Variants in TLR1 observed in about 807,000 individuals in gnomAD.
TLR1 encodes toll-like receptor 1.
In TLR1, 19 loss-of-function variants were observed where a neutral mutation model predicts 20.2. The observed-to-expected ratio is 0.94, with a 90% CI of 0.66 to 1.38. The LOEUF is 1.38. Ranked by LOEUF, TLR1 falls within the 40% of genes most tolerant of loss-of-function variation. TLR1 has a pLI of 0.00. For missense variants in TLR1, 921 were observed against 910.0 expected, an observed-to-expected ratio of 1.01 and a Z score of -0.16; for synonymous variants, 320 against 334.5, an observed-to-expected ratio of 0.96 and a Z score of 0.47.
At chr4:38,800,410 C>CT (rs1227865320) in intron 3 of TLR1, 3 of 152,144 alleles carry the variant, frequency 2.0e-5, no homozygotes, top group East Asian at 1.9e-4. Context: ...ATTCAGAATA[C>CT]TTTTTTCATT....
rs1429674851 is a variant in TLR1 at position 38,797,615 on chromosome 4, C to T, written c.1217G>A (p.Ser406Asn). 1 of 1,613,722 alleles carries T rather than the reference C, an allele frequency of 6.2e-7. No homozygotes were observed. ...QMKSLQQLDISQNSVSYDEKK... is the reference protein window; with the variant it reads ...QMKSLQQLDINQNSVSYDEKK... ...TTCATCATAGCTTACAGAATTCTGG[C>T]TAATATCCAATTGTTGCAGAGACTT... The change falls in exon 4 of 4, where the codon AGC (serine) becomes AAC (asparagine). Residue 406 changes from serine to asparagine, a missense_variant. Physicochemically the swap from Ser to Asn is conservative, Grantham distance 46. Transcript: ENST00000308979.
chr4:38,802,408 C>T (rs1432176000), intron 2 of TLR1, among the ~76,000 whole-genome samples: 3 of 152,132 alleles, frequency 2.0e-5, no homozygotes, highest in South Asian at 2.1e-4. Context: ...ATGTGACCTT[C>T]CTCTAGGAAG....
chr4:38,796,252 C>A, downstream of TLR1: 1 of 530,474 alleles, frequency 1.9e-6, no homozygotes, highest in South Asian at 2.8e-5. Context: ...ACAAGTGGAT[C>A]CCTTATGTGT....
chr4:38,796,723 C>G lies in TLR1; in HGVS notation c.2109G>C (p.Gln703His), dbSNP rs938524085. 6.2e-7 allele frequency: 1 copy of G among 1,614,066 alleles called. No individual in the cohort carries two copies. Among genetic ancestry groups the G allele is most frequent in the Non-Finnish European group, 8.5e-7 (1 of 1,180,052 alleles). Residue 703 changes from glutamine to histidine, a missense_variant, in exon 4 of 4, where the codon CAG (glutamine) becomes CAC (histidine). Physicochemically the swap from Gln to His is conservative, Grantham distance 24. Transcript: ENST00000308979. Reference sequence around the variant, plus strand: ...AGAGTTCATAATGGCACCATTCACTCTGGACAAAGTTGGGAGACAAAACAA... The same window carrying G: ...AGAGTTCATAATGGCACCATTCACTGTGGACAAAGTTGGGAGACAAAACAA... ...SIFVLSPNFVQSEWCHYELYF... is the reference protein window; with the variant it reads ...SIFVLSPNFVHSEWCHYELYF...
chr4:38,790,382 T>A (rs894805745), downstream of TLR1, among the ~76,000 whole-genome samples: 11 of 152,374 alleles, frequency 7.2e-5, no homozygotes, highest in South Asian at 8.3e-4. Flanking sequence ...GATTTTTCTA[T>A]ACAATTTTGA....
chr4:38,792,759 TA>T (rs139559498), downstream of TLR1, among the ~76,000 whole-genome samples: 4,833 of 151,672 alleles, frequency 0.032, 290 homozygotes, highest in African/African-American at 0.11. Context: ...TTAACATACT[TA>T]TAAATAAATA....
intron 2 of TLR1, among the ~76,000 whole-genome samples, chr4:38,802,734 G>A (rs1726755817): frequency 1.3e-5 from 2 of 152,186 alleles, no homozygotes; most frequent in African/African-American, 4.8e-5. Context: ...CTGTGCTTTG[G>A]TCAAGGATAG....
rs1726258319 is a variant in TLR1 at position 38,797,923 on chromosome 4, A to G, written c.909T>C (p.Ser303=). The G allele has an allele frequency of 6.2e-7, 1 of 1,614,208 alleles. No individual in the cohort carries two copies. The part of the protein sequence containing the change: ...DYSGTSLKAL[S]IHQVVSDVFG... ...ACACATCGCTGACAACTTGGTGTAT[A>G]GACAAGGCCTTCAAGGAAGTGCCAG... Residue 303 remains serine, a synonymous_variant, in exon 4 of 4, where the codon TCT becomes TCC. Coordinates refer to ENST00000308979, the MANE Select transcript of TLR1 (RefSeq NM_003263.4).
At chr4:38,805,453 G>T (rs138322646), upstream of TLR1, 28 of 152,280 alleles carry the variant, frequency 1.8e-4, 1 homozygote, top group East Asian at 5.2e-3. Flanking sequence ...TTCACATAGG[G>T]TTTATAAAAA....
downstream of TLR1, among the ~76,000 whole-genome samples, chr4:38,792,760 A>G (rs1056508904): frequency 7.0e-5 from 10 of 142,550 alleles, no homozygotes; most frequent in African/African-American, 3.0e-4. Context: ...TAACATACTT[A>G]TAAATAAATA....
At position 38,796,804 on chromosome 4, in the gene TLR1, G is replaced by A. The variant is rs41311400; in HGVS notation, c.2028C>T (p.Gly676=). 7.3e-3 allele frequency: 11,757 copies of A among 1,614,188 alleles called. 63 individuals are homozygous for A. Among genetic ancestry groups the A allele is most frequent in the Middle Eastern group, 0.011 (67 of 6,062 alleles). The change falls in exon 4 of 4, where the codon GGC becomes GGT. Residue 676 remains glycine (G), a synonymous_variant. Coordinates refer to ENST00000308979, the MANE Select transcript of TLR1 (RefSeq NM_003263.4). Reference sequence around the variant, plus strand: ...TGATGATATTTTCCACAATGCTCTTGCCAGGAACAAAGTTTCTCTCATGAA... The same window carrying A: ...TGATGATATTTTCCACAATGCTCTTACCAGGAACAAAGTTTCTCTCATGAA... ...ICLHERNFVP[G]KSIVENIITC... is the part of the protein sequence containing the mutation.
rs1726322744 is a variant in TLR1, at chr4:38,798,349, A to G, written c.483T>C (p.His161=). ...CCAGCAAGACCTTGCTGATATTCAAATGAGCAATTGGCAGCACACTAGATT... is the reference window on the plus strand; with the variant it reads ...CCAGCAAGACCTTGCTGATATTCAAGTGAGCAATTGGCAGCACACTAGATT... The part of the protein sequence containing the change: ...LEKSSVLPIA[H]LNISKVLLVL... The change falls in exon 4 of 4, where the codon CAT becomes CAC. Residue 161 remains histidine (H), a synonymous_variant. Transcript: ENST00000308979. The G allele has an allele frequency of 6.2e-7, 1 of 1,613,870 alleles. No homozygotes were observed.
chr4:38,804,083 C>T (rs5743569), intron 2 of TLR1, among the ~76,000 whole-genome samples: 3,377 of 152,278 alleles, frequency 0.022, 132 homozygotes, highest in African/African-American at 0.077. Flanking sequence ...TGAGACAGTT[C>T]AAGAACTGTT....
In TLR1 at chr4:38,799,031, T is replaced by C. The variant is rs376490794; in HGVS notation, c.-67-133A>G. The C allele has an allele frequency of 1.0e-5, 5 of 492,250 alleles. No homozygotes were observed. In the East Asian group the frequency reaches 1.0e-4, roughly 10 times the overall value. The allele number at this position is 492,250 out of a possible 1,614,324, so 30.5% of individuals were successfully genotyped here. A position where few individuals can be genotyped will look rare whatever the true frequency, so the allele number is the denominator to read the frequency against. ...GGAGGCTACATTCTTTTGGGTTACATGGCCTAAAACTAGAGAAGTATATAT... is the reference window on the plus strand; with the variant it reads ...GGAGGCTACATTCTTTTGGGTTACACGGCCTAAAACTAGAGAAGTATATAT... On this transcript the variant is annotated intron_variant, in intron 3 of 3. Coordinates refer to ENST00000308979, the MANE Select transcript of TLR1 (RefSeq NM_003263.4).
At chr4:38,803,829 G>A (rs891879040) in intron 2 of TLR1, among the ~76,000 whole-genome samples, 1 of 152,162 alleles carries the variant, frequency 6.6e-6, no homozygotes, top group Admixed American at 6.5e-5. Flanking sequence ...ATGCCTCTAG[G>A]TGAGCTTCTG....
chr4:38,791,739 T>G (rs1725730505), downstream of TLR1, among the ~76,000 whole-genome samples: 1 of 152,252 alleles, frequency 6.6e-6, no homozygotes, highest in Non-Finnish European at 1.5e-5. Context: ...TAATAATAAC[T>G]CTAACATTTA....
Position 38,798,707 on chromosome 4 carries a change from T to C in TLR1, c.125A>G (p.Asp42Gly), listed in dbSNP as rs775520683. 1 of 1,613,932 alleles carries C rather than the reference T, an allele frequency of 6.2e-7. No individual in the cohort carries two copies. Among genetic ancestry groups the C allele is most frequent in the East Asian group, 2.2e-5 (1 of 44,866 alleles). The change falls in exon 4 of 4, where the codon GAC becomes GGC. Residue 42 changes from aspartate to glycine, a missense_variant. Asp to Gly is a moderately conservative substitution (Grantham distance 94). Coordinates refer to ENST00000308979, the MANE Select transcript of TLR1 (RefSeq NM_003263.4). ...TAAGATTGTTGTTTTCTGGGATAGG[T>C]CTTTAGGAACGTGGATGAGACCGTT... Reference protein sequence around the residue: ...SKNGLIHVPKDLSQKTTILNI... With the variant: ...SKNGLIHVPKGLSQKTTILNI...
downstream of TLR1, among the ~76,000 whole-genome samples, chr4:38,793,425 AG>A (rs1375107869): frequency 6.6e-6 from 1 of 152,194 alleles, no homozygotes; most frequent in African/African-American, 2.4e-5. Context: ...GACTTGATTA[AG>A]GGCTTGCATA....
At position 38,796,919 on chromosome 4, in the gene TLR1, T is replaced by G; in HGVS notation, c.1913A>C (p.His638Pro). The change falls in exon 4 of 4, where the codon CAT (histidine) becomes CCT (proline). Residue 638 changes from histidine to proline, a missense_variant. By Grantham distance (77) the His-to-Pro change is moderately conservative (BLOSUM62 -2). Coordinates refer to ENST00000308979, the MANE Select transcript of TLR1 (RefSeq NM_003263.4). ...LEELQRNLQF[H>P]AFISYSGHDS... Reference sequence around the variant, plus strand: ...GTGCCCACTATATGAAATAAATGCATGAAACTGGAGATTTCTTTGGAGTTC... The same window carrying G: ...GTGCCCACTATATGAAATAAATGCAGGAAACTGGAGATTTCTTTGGAGTTC... The G allele has an allele frequency of 6.2e-7, 1 of 1,614,242 alleles. No homozygotes were observed. Among genetic ancestry groups the G allele is most frequent in the Non-Finnish European group, 8.5e-7 (1 of 1,180,042 alleles).
Sources: allele counts gnomAD v4.1 joint callset (sites outside exome capture counted in the v4.1 genomes callset), GRCh38; gene constraint gnomAD v4.1.1; transcripts MANE v1.5; gene names NCBI Gene and HGNC (gene_info 2026-07-23, HGNC 2026-07-21).